Variants in PSG7 observed in about 807,000 individuals in gnomAD.
PSG7 encodes the protein pregnancy specific beta-1-glycoprotein 7.
Under a neutral mutation model 45.6 loss-of-function variants are expected in PSG7, and 57 were observed. The ratio of observed to expected loss-of-function variants is 1.25; its 90% confidence interval spans 1.01 to 1.56. The LOEUF (loss-of-function observed/expected upper bound fraction) is 1.56, where lower values mean the gene tolerates loss of function less well. Among genes scored for constraint, PSG7 ranks in the 40% most tolerant of loss-of-function variants. PSG7 has a pLI of 0.00. For synonymous variants in PSG7, 298 were observed against 194.4 expected (o/e 1.53, Z -4.43); for missense variants, 796 against 508.4 (o/e 1.57, Z -5.44).
intron 3 of PSG7, chr19:42,927,686 G>T (rs889491740): frequency 5.3e-5 from 8 of 151,516 alleles, no homozygotes; most frequent in African/African-American, 1.5e-4. Flanking sequence ...ATTCCTTGGG[G>T]TTGACTACTC....
chr19:42,925,585 G>A (rs1972863382), intron 5 of PSG7, 188 bp downstream of exon 5: 3 of 1,377,748 alleles, frequency 2.2e-6, no homozygotes, highest in Non-Finnish European at 2.9e-6. Flanking sequence ...ATGTTATGAA[G>A]ATATCAGCCT....
rs368051225 is a variant in PSG7, at chr19:42,926,724, A to G, written c.710-8T>C. On this transcript the variant is annotated splice_polypyrimidine_tract_variant and splice_region_variant and intron_variant, in intron 3 of 5. Coordinates refer to ENST00000406070, the MANE Select transcript of PSG7 (RefSeq NM_002783.3). Reference sequence around the variant, plus strand: ...AGGGCTTGGGCAGCTTCGCTGTGTGAATAACAGAGAGAAGATTGTCCTGTG... The same window carrying G: ...AGGGCTTGGGCAGCTTCGCTGTGTGGATAACAGAGAGAAGATTGTCCTGTG... 2.5e-4 allele frequency: 400 copies of G among 1,609,848 alleles called. 27 individuals carry two copies. In the South Asian group the frequency reaches 3.9e-3, roughly 16 times the overall value.
chr19:42,930,094 A>G (rs1002711837), intron 2 of PSG7, among the ~76,000 whole-genome samples: 1 of 151,728 alleles, frequency 6.6e-6, no homozygotes, highest in Non-Finnish European at 1.5e-5. Context: ...CTTAGTTTCA[A>G]TCTTACTTTG....
intron 2 of PSG7, among the ~76,000 whole-genome samples, chr19:42,933,925 C>A (rs115679632): frequency 1.3e-5 from 2 of 151,142 alleles, no homozygotes; most frequent in South Asian, 2.1e-4. Flanking sequence ...TGTCAGCCTC[C>A]GAAGGACAAG....
At chr19:42,926,150 C>A (rs1339244337) in intron 4 of PSG7, 123 bp from the exon 5 acceptor site, 20 of 1,483,492 alleles carry the variant, frequency 1.3e-5, no homozygotes, top group Non-Finnish European at 1.8e-5. Context: ...GCCAAATCCC[C>A]TCTATGTTCA....
chr19:42,928,248 T>A (rs923831722), intron 3 of PSG7, among the ~76,000 whole-genome samples: 1 of 151,624 alleles, frequency 6.6e-6, no homozygotes, highest in South Asian at 2.1e-4. Context: ...TTTCTCAGTG[T>A]TTTTGTTGTG....
At position 42,925,464 on chromosome 19, in the gene PSG7, T is replaced by C. The variant is rs1172479744; in HGVS notation, c.1243+309A>G. 18 of 701,814 alleles carry C rather than the reference T, an allele frequency of 2.6e-5. 1 individual carries two copies. Among genetic ancestry groups the C allele is most frequent in the Non-Finnish European group, 3.8e-5 (18 of 471,982 alleles). The allele number at this position is 701,814 out of a possible 1,614,324, so 43.5% of individuals were successfully genotyped here. A position where few individuals can be genotyped will look rare whatever the true frequency, so the allele number is the denominator to read the frequency against. On this transcript the variant is annotated intron_variant, in intron 5 of 5. Transcript: ENST00000406070. ...AAATTTCCATAAATCTAGAAAACTA[T>C]CCACATAAAGAATCAGCATATTTTC... is the stretch of plus-strand genomic sequence containing the variant.
At chr19:42,925,291 T>G (rs1319781442) in intron 5 of PSG7, 1 of 311,688 alleles carries the variant, frequency 3.2e-6, no homozygotes, top group Non-Finnish European at 5.9e-6. Context: ...TTTGTGCAAA[T>G]ATCTGTATTA....
intron 2 of PSG7, among the ~76,000 whole-genome samples, chr19:42,933,599 A>C: frequency 6.6e-6 from 1 of 150,478 alleles, no homozygotes; most frequent in African/African-American, 2.5e-5. Flanking sequence ...GGAAGGGAAC[A>C]GAACAGTCAG....
intron 2 of PSG7, among the ~76,000 whole-genome samples, chr19:42,931,691 G>T (rs1404870647): frequency 6.6e-6 from 1 of 151,382 alleles, no homozygotes; most frequent in African/African-American, 2.4e-5. Flanking sequence ...GCATCATCAT[G>T]AGGAAACAGT....
chr19:42,924,999 G>A, intron 5 of PSG7, 175 bp from the exon 6 acceptor site: 1 of 630,076 alleles, frequency 1.6e-6, no homozygotes, highest in Non-Finnish European at 2.8e-6. Flanking sequence ...CTTCAAACTT[G>A]GTCTGATTGT....
Position 42,935,906 on chromosome 19 carries a change from AC to A in PSG7, c.65-138del, listed in dbSNP as rs1833545031. ...CACACACACACACACACACACACACACACACACAAACACACACACACACATA... is the reference window on the plus strand; with the variant it reads ...CACACACACACACACACACACACACAACACACAAACACACACACACACATA... On this transcript the variant is annotated intron_variant, in intron 1 of 5. Coordinates refer to ENST00000406070, the MANE Select transcript of PSG7 (RefSeq NM_002783.3). 9.7e-5 allele frequency: 122 copies of A among 1,253,452 alleles called. 1 individual carries two copies. Among genetic ancestry groups the A allele is most frequent in the African/African-American group, 3.3e-4 (21 of 64,600 alleles). 77.6% of individuals were successfully genotyped at this position (1,253,452 alleles called of 1,614,324 possible).
intron 3 of PSG7, 55 bp downstream of exon 3, chr19:42,929,387 G>T (rs1054094996): frequency 7.4e-6 from 12 of 1,611,256 alleles, no homozygotes; most frequent in Non-Finnish European, 1.0e-5. Flanking sequence ...CCCGGCCTCT[G>T]GCCATGTGTA....
intron 3 of PSG7, among the ~76,000 whole-genome samples, chr19:42,928,822 T>A (rs1381321335): frequency 6.6e-6 from 1 of 151,462 alleles, no homozygotes; most frequent in African/African-American, 2.4e-5. Context: ...TGAGATTTGT[T>A]CCACCAGTGG....
Position 42,932,100 on chromosome 19 carries a change from T to C in PSG7, c.431-2380A>G, listed in dbSNP as rs190463277. ...GTGCAGTGGCATGATCTCAGCTCAC[T>C]GCAAGCTCCGCCTCCCGGTTTCACT... On this transcript the variant is annotated intron_variant, in intron 2 of 5. Transcript: ENST00000406070. Among the ~76,000 whole-genome samples the C allele has an allele frequency of 2.0e-3, 296 of 151,450 alleles. 10 individuals carry two copies. The highest frequency in any genetic ancestry group is 7.0e-3 in the African/African-American group (288 of 41,232).
chr19:42,926,980 G>A lies in PSG7; in HGVS notation c.710-264C>T. 10 of 637,656 alleles carry A rather than the reference G, an allele frequency of 1.6e-5. No homozygotes were observed. In the South Asian group the frequency reaches 2.5e-4, roughly 16 times the overall value. 39.5% of individuals were successfully genotyped at this position (637,656 alleles called of 1,614,324 possible). On this transcript the variant is annotated intron_variant, in intron 3 of 5. Coordinates refer to ENST00000406070, the MANE Select transcript of PSG7 (RefSeq NM_002783.3). ...TGGGTCATGGACAGACATGTCAGTG[G>A]GAGTCACAGCGCCTGGTACCCCTCC...
intron 3 of PSG7, chr19:42,927,696 C>G (rs1382244274): frequency 6.6e-6 from 1 of 151,520 alleles, no homozygotes; most frequent in African/African-American, 2.4e-5. Context: ...GTTGACTACT[C>G]TAGGGACCTC....
chr19:42,930,434 C>A (rs1333193105), intron 2 of PSG7, among the ~76,000 whole-genome samples: 3 of 151,640 alleles, frequency 2.0e-5, no homozygotes, highest in South Asian at 4.2e-4. Flanking sequence ...TGGCCCAAGA[C>A]CATGTTCCCT....
rs782078128 is a variant in PSG7 at position 42,935,680 on chromosome 19, G to T, written c.154C>A (p.Leu52Ile). 1.2e-6 allele frequency: 2 copies of T among 1,611,938 alleles called. No individual in the cohort carries two copies. Among genetic ancestry groups the T allele is most frequent in the Non-Finnish European group, 1.7e-6 (2 of 1,179,102 alleles). ...TGGGGCAAATTGTGGACAAGTAGAAGAACATCCTTCCCCTCGGAAACTTTT... is the reference window on the plus strand; with the variant it reads ...TGGGGCAAATTGTGGACAAGTAGAATAACATCCTTCCCCTCGGAAACTTTT... ...PPKVSEGKDV[L>I]LLVHNLPQNL... The change falls in exon 2 of 6, where the codon CTT (leucine) becomes ATT (isoleucine). Residue 52 changes from leucine (L) to isoleucine (I), a missense_variant. By Grantham distance (5) the Leu-to-Ile change is conservative. Transcript: ENST00000406070.
Sources: allele counts gnomAD v4.1 joint callset (sites outside exome capture counted in the v4.1 genomes callset), GRCh38; gene constraint gnomAD v4.1.1; transcripts MANE v1.5; gene names NCBI Gene and HGNC (gene_info 2026-07-23, HGNC 2026-07-21).